NCKAP5: variants seen among roughly 807,000 people sequenced by gnomAD.
NCKAP5 encodes the protein NCK associated protein 5.
NCKAP5 carries 92 observed loss-of-function variants against 167.0 expected under a neutral mutation model. The observed-to-expected ratio is 0.55, with a 90% CI of 0.47 to 0.66. The LOEUF is 0.66. NCKAP5 is among the 30% of genes least tolerant of loss of function. NCKAP5 has a pLI of 0.00. For synonymous variants in NCKAP5, 891 were observed against 877.4 expected (o/e 1.02, Z -0.27); for missense variants, 2,378 against 2,315.0 (o/e 1.03, Z -0.56).
chr2:133,197,047 A>C (rs1427206592), intron 5 of NCKAP5, among the ~76,000 whole-genome samples: 2 of 152,310 alleles, frequency 1.3e-5, no homozygotes, highest in East Asian at 3.9e-4. Context: ...ACATAGATGT[A>C]ATCATGAGAA....
chr2:133,100,856 C>T (rs888921333), intron 6 of NCKAP5, among the ~76,000 whole-genome samples: 3 of 151,916 alleles, frequency 2.0e-5, no homozygotes, highest in African/African-American at 7.3e-5. Context: ...ATTTTGTTGA[C>T]GTTTGTATTC....
At chr2:133,195,567 T>C (rs1216978410) in intron 5 of NCKAP5, among the ~76,000 whole-genome samples, 1 of 152,156 alleles carries the variant, frequency 6.6e-6, no homozygotes, top group African/African-American at 2.4e-5. Context: ...GTCTGGGCCA[T>C]TGAAGAATGG....
chr2:132,939,130 A>G (rs922451822), intron 8 of NCKAP5, among the ~76,000 whole-genome samples: 1 of 151,332 alleles, frequency 6.6e-6, no homozygotes, highest in Non-Finnish European at 1.5e-5. Flanking sequence ...GATGATATGA[A>G]AAAAAATGAC....
At chr2:133,653,276 C>T in the NCKAP5 span, among the ~76,000 whole-genome samples, 2 of 152,230 alleles carry the variant, frequency 1.3e-5, no homozygotes, top group Non-Finnish European at 2.9e-5. Context: ...ATAATTGGAG[C>T]ATATGCCTTC....
chr2:133,549,529 G>A lies in NCKAP5; in HGVS notation c.-62+9521C>T, dbSNP rs1267443996. Among the ~76,000 whole-genome samples the A allele has an allele frequency of 3.3e-5, 5 of 149,764 alleles. No homozygotes were observed. In the South Asian group the frequency reaches 8.6e-4, roughly 26 times the overall value. ...ATAATGAAATGAAGGCAGAAATAAA[G>A]ATGTTCTTTGAAACCAATGAGAACA... On this transcript the variant is annotated intron_variant, in intron 2 of 19. Coordinates refer to ENST00000409261, the MANE Select transcript of NCKAP5 (RefSeq NM_207363.3).
intron 3 of NCKAP5, among the ~76,000 whole-genome samples, chr2:133,408,995 G>A (rs902411094): frequency 1.6e-4 from 24 of 152,216 alleles, no homozygotes; most frequent in African/African-American, 5.3e-4. Context: ...GTTGAATACT[G>A]TAAGCCACTT....
At chr2:133,370,112 G>A (rs1331855658) in intron 3 of NCKAP5, among the ~76,000 whole-genome samples, 2 of 152,112 alleles carry the variant, frequency 1.3e-5, no homozygotes, top group Non-Finnish European at 2.9e-5. Flanking sequence ...TAGTCATGAC[G>A]GGGGAAGACA....
At position 133,559,386 on chromosome 2, in the gene NCKAP5, A is replaced by C. The variant is rs193171725; in HGVS notation, c.-129-269T>G. ...CAGCCTAGAGTGCAGTGGTGCAATC[A>C]GGGCTTACTGCAACCTGGAACTCTT... On this transcript the variant is annotated intron_variant, in intron 1 of 19. Coordinates refer to ENST00000409261, the MANE Select transcript of NCKAP5 (RefSeq NM_207363.3). Among the ~76,000 whole-genome samples, 586 of 152,348 alleles carry C rather than the reference A, an allele frequency of 3.8e-3. 6 individuals carry two copies. The highest frequency in any genetic ancestry group is 0.013 in the African/African-American group (557 of 41,590).
chr2:133,390,031 CCA>C (rs969661442), intron 3 of NCKAP5, among the ~76,000 whole-genome samples: 1 of 152,182 alleles, frequency 6.6e-6, no homozygotes, highest in African/African-American at 2.4e-5. Flanking sequence ...GCCTCCAACC[CCA>C]GTTCCAAAAT....
intron 1 of NCKAP5, 33 bp from the exon 2 acceptor site, chr2:133,559,150 C>T (rs1687977214): frequency 6.6e-6 from 1 of 151,954 alleles, no homozygotes; most frequent in Non-Finnish European, 1.5e-5. Context: ...AAATATGTGG[C>T]TCAAATAATT....
intron 11 of NCKAP5, among the ~76,000 whole-genome samples, chr2:132,850,252 T>C (rs1688973734): frequency 6.6e-6 from 1 of 152,176 alleles, no homozygotes; most frequent in Non-Finnish European, 1.5e-5. Flanking sequence ...TGTATTGAAT[T>C]TGATTTTTCC....
intron 4 of NCKAP5, among the ~76,000 whole-genome samples, chr2:133,242,652 T>A (rs2087773205): frequency 6.6e-6 from 1 of 152,236 alleles, no homozygotes; most frequent in African/African-American, 2.4e-5. Flanking sequence ...ATCAGCCAGA[T>A]CTTTCTTAGA....
intron 4 of NCKAP5, among the ~76,000 whole-genome samples, chr2:133,257,253 TA>T (rs1308688336): frequency 2.0e-5 from 3 of 152,134 alleles, no homozygotes; most frequent in African/African-American, 7.2e-5. Context: ...GCAATATAAC[TA>T]GGAACAAAAT....
At chr2:133,345,500 C>T (rs1683910508) in intron 3 of NCKAP5, among the ~76,000 whole-genome samples, 1 of 152,130 alleles carries the variant, frequency 6.6e-6, no homozygotes, top group Admixed American at 6.5e-5. Flanking sequence ...ACCCTCGGTA[C>T]ACATTATAAT....
At chr2:133,147,574 C>T (rs1020830496) in intron 5 of NCKAP5, among the ~76,000 whole-genome samples, 1 of 152,122 alleles carries the variant, frequency 6.6e-6, no homozygotes, top group Non-Finnish European at 1.5e-5. Flanking sequence ...CCCCACCTTA[C>T]AATCTTTCAT....
At chr2:133,588,444 C>T in the NCKAP5 span, among the ~76,000 whole-genome samples, 1 of 129,436 alleles carries the variant, frequency 7.7e-6, no homozygotes, top group East Asian at 2.5e-4. Flanking sequence ...AATTCCTTCC[C>T]TAATTCATTC....
chr2:133,094,817 G>T (rs2081295859), intron 6 of NCKAP5, among the ~76,000 whole-genome samples: 1 of 152,140 alleles, frequency 6.6e-6, no homozygotes, highest in South Asian at 2.1e-4. Context: ...AATTCAGAGA[G>T]ATTCAAAGCA....
intron 3 of NCKAP5, among the ~76,000 whole-genome samples, chr2:133,466,192 T>G (rs1692573835): frequency 6.8e-6 from 1 of 146,520 alleles, no homozygotes. Context: ...TTGTATAAGG[T>G]GTAAGGAAGG....
At position 132,832,801 on chromosome 2, in the gene NCKAP5, C is replaced by T. The variant is rs191261556; in HGVS notation, c.807+27691G>A. On this transcript the variant is annotated intron_variant, in intron 11 of 19. Coordinates refer to ENST00000409261, the MANE Select transcript of NCKAP5 (RefSeq NM_207363.3). ...CACTTAGGTTGATTACTTATCTTTG[C>T]TATTGTGAACAGTGCTGTGATAAAC... is the stretch of plus-strand genomic sequence containing the variant. 1.4e-4 allele frequency among the ~76,000 whole-genome samples: 22 copies of T among 152,240 alleles called. No homozygotes were observed. In the East Asian group the frequency reaches 4.2e-3, roughly 29 times the overall value.
Sources: allele counts gnomAD v4.1 joint callset (sites outside exome capture counted in the v4.1 genomes callset), GRCh38; gene constraint gnomAD v4.1.1; transcripts MANE v1.5; gene names NCBI Gene and HGNC (gene_info 2026-07-23, HGNC 2026-07-21).